PRSS33: variants seen among roughly 807,000 people sequenced by gnomAD.
PRSS33 encodes the protein serine protease 33, also known as protease, serine 33.
Under a neutral mutation model 26.7 loss-of-function variants are expected in PRSS33, and 32 were observed. That is an observed-to-expected ratio of 1.20 (90% CI 0.90 to 1.61). The LOEUF (loss-of-function observed/expected upper bound fraction) is 1.61, where lower values mean the gene tolerates loss of function less well. Ranked by LOEUF, PRSS33 falls within the 40% of genes most tolerant of loss-of-function variation. The pLI is 0.00. For synonymous variants in PRSS33, 192 were observed against 177.6 expected (o/e 1.08, Z -0.64); for missense variants, 450 against 396.3 (o/e 1.14, Z -1.15).
intron 1 of PRSS33, 73 bp from the exon 2 acceptor site, chr16:2,786,677 C>G: frequency 1.0e-6 from 1 of 984,006 alleles, no homozygotes; most frequent in Non-Finnish European, 1.5e-6. Context: ...CCGTCACCCC[C>G]TCCGTGGTCC....
intron 2 of PRSS33, 24 bp downstream of exon 2, chr16:2,786,478 C>T (rs1272302578): frequency 1.2e-6 from 2 of 1,612,874 alleles, no homozygotes; most frequent in Non-Finnish European, 1.7e-6. Flanking sequence ...GCGGCCCTCA[C>T]CCCCAGTCCC....
Position 2,785,399 on chromosome 16 carries a change from C to T in PRSS33, c.490G>A (p.Gly164Ser). 4 of 1,432,600 alleles carry T rather than the reference C, an allele frequency of 2.8e-6. No individual in the cohort carries two copies. The highest frequency in any genetic ancestry group is 2.5e-4 in the Middle Eastern group (1 of 4,036). The allele number at this position is 1,432,600 out of a possible 1,614,324, so 88.7% of individuals were successfully genotyped here. ...PPPGTPCRVTGWGSLRPGVPL... is the reference protein window; with the variant it reads ...PPPGTPCRVTSWGSLRPGVPL... ...CCTCCTGGGCGGAGGCTGCCCCAGC[C>T]GGTGACCCGGCATGGTGTGCCGGGC... The change falls in exon 5 of 7, where the codon GGC (glycine) becomes AGC (serine). Residue 164 changes from glycine to serine, a missense_variant. Transcript: ENST00000682474.
upstream of PRSS33, among the ~76,000 whole-genome samples, chr16:2,787,668 C>T (rs1280390682): frequency 6.6e-6 from 1 of 151,590 alleles, no homozygotes; most frequent in Non-Finnish European, 1.5e-5. Context: ...GGACCAGCCT[C>T]AAACAAAGAT....
chr16:2,785,428 G>A lies in PRSS33; in HGVS notation c.461C>T (p.Pro154Leu). Reference sequence around the variant, plus strand: ...GACCCGGCATGGTGTGCCGGGCGGCGGGCGGGCGCCGGGCACGGGCAGGCA... The same window carrying A: ...GACCCGGCATGGTGTGCCGGGCGGCAGGCGGGCGCCGGGCACGGGCAGGCA... ...PVCLPVPGAR[P>L]PPGTPCRVTG... is the part of the protein sequence containing the mutation. The change falls in exon 5 of 7, where the codon CCG becomes CTG. Residue 154 changes from proline (P) to leucine (L), a missense_variant. By Grantham distance (98) the Pro-to-Leu change is moderately conservative. Transcript: ENST00000682474. 1.4e-6 allele frequency: 2 copies of A among 1,462,262 alleles called. No individual in the cohort carries two copies. Among genetic ancestry groups the A allele is most frequent in the Non-Finnish European group, 1.8e-6 (2 of 1,118,652 alleles). The allele number at this position is 1,462,262 out of a possible 1,614,324, so 90.6% of individuals were successfully genotyped here.
chr16:2,785,492 G>A lies in PRSS33; in HGVS notation c.397C>T (p.Arg133Cys), dbSNP rs1300397373. Residue 133 changes from arginine to cysteine, a missense_variant, in exon 5 of 7, where the codon CGT (arginine) becomes TGT (cysteine). By Grantham distance (180) the Arg-to-Cys change is radical. Coordinates refer to ENST00000682474, the MANE Select transcript of PRSS33 (RefSeq NM_152891.3). ...ARGDLALLQL[R>C]RPVPLSARVQ... ...CGAGCGCTCAGGGGCACCGGGCGAC[G>A]CAGCTGCAGCAGTGCCAGGTCGCCG... 8 of 1,517,960 alleles carry A rather than the reference G, an allele frequency of 5.3e-6. No homozygotes were observed. The highest frequency in any genetic ancestry group is 2.3e-4 in the Middle Eastern group (1 of 4,310). The allele number at this position is 1,517,960 out of a possible 1,614,324, so 94.0% of individuals were successfully genotyped here. A position where few individuals can be genotyped will look rare whatever the true frequency, so the allele number is the denominator to read the frequency against.
rs2068864580 is a variant in PRSS33, at chr16:2,785,610, C to T, written c.279G>A (p.Gly93=). ...GCGAGGTGGAGCCCAGACGCAGCGCCCCCAGGCGCACGCGGTACTCAGCTG... is the reference window on the plus strand; with the variant it reads ...GCGAGGTGGAGCCCAGACGCAGCGCTCCCAGGCGCACGCGGTACTCAGCTG... The part of the protein sequence containing the change: ...ALPAEYRVRL[G]ALRLGSTSPR... The change falls in exon 5 of 7, where the codon GGG becomes GGA. Residue 93 remains glycine (G), a synonymous_variant. Transcript: ENST00000682474. 1 of 1,508,968 alleles carries T rather than the reference C, an allele frequency of 6.6e-7. No homozygotes were observed. The highest frequency in any genetic ancestry group is 8.8e-7 in the Non-Finnish European group (1 of 1,136,588). The allele number at this position is 1,508,968 out of a possible 1,614,324, so 93.5% of individuals were successfully genotyped here.
chr16:2,785,600 G>C lies in PRSS33; in HGVS notation c.289C>G (p.Leu97Val). The change falls in exon 5 of 7, where the codon CTG (leucine) becomes GTG (valine). Residue 97 changes from leucine to valine, a missense_variant. Physicochemically the swap from Leu to Val is conservative, Grantham distance 32. Transcript: ENST00000682474. ...EYRVRLGALR[L>V]GSTSPRTLSV... ...AGCGTGCGGGGCGAGGTGGAGCCCA[G>C]ACGCAGCGCCCCCAGGCGCACGCGG... 6.6e-7 allele frequency: 1 copy of C among 1,515,586 alleles called. No homozygotes were observed. The highest frequency in any genetic ancestry group is 8.8e-7 in the Non-Finnish European group (1 of 1,139,140). 93.9% of individuals were successfully genotyped at this position (1,515,586 alleles called of 1,614,324 possible).
At position 2,785,802 on chromosome 16, in the gene PRSS33, G is replaced by A. The variant is rs777603139; in HGVS notation, c.239C>T (p.Pro80Leu). 1 of 1,596,344 alleles carries A rather than the reference G, an allele frequency of 6.3e-7. No individual in the cohort carries two copies. Among genetic ancestry groups the A allele is most frequent in the Non-Finnish European group, 8.5e-7 (1 of 1,176,230 alleles). ...TGGGCCCTCGGTGAGCGCTGACCTG[G>A]GGAAGCAGTGCGCCGCTGTCAGCAC... ...QWVLTAAHCF[P>L]RRALPAEYRV... The change falls in exon 4 of 7, where the codon CCC becomes CTC. Residue 80 changes from proline to leucine, a missense_variant. By Grantham distance (98) the Pro-to-Leu change is moderately conservative (BLOSUM62 -3). Transcript: ENST00000682474.
In PRSS33 at chr16:2,784,630, C is replaced by T. The variant is rs760155469; in HGVS notation, c.*14G>A. 1.9e-6 allele frequency: 3 copies of T among 1,571,434 alleles called. No individual in the cohort carries two copies. Among genetic ancestry groups the T allele is most frequent in the South Asian group, 1.2e-5 (1 of 85,858 alleles). The stretch of plus-strand genomic sequence containing the variant: ...CCCCAGCAGCTGGCTCCAGGTCAGC[C>T]TCACCGGCTAGCATTAGAAGCTGAC... On this transcript the variant is annotated 3_prime_UTR_variant, in exon 7 of 7. Transcript: ENST00000682474.
At position 2,785,419 on chromosome 16, in the gene PRSS33, C is replaced by CCGGGCGG; in HGVS notation, c.463_469dup (p.Gly157AlafsTer53). Reference sequence around the variant, plus strand: ...CCAGCCGGTGACCCGGCATGGTGTGCCGGGCGGCGGGCGGGCGCCGGGCAC... The same window carrying CCGGGCGG: ...CCAGCCGGTGACCCGGCATGGTGTGCCGGGCGGCGGGCGGCGGGCGGGCGCCGGGCAC... On this transcript the variant is annotated frameshift_variant, in exon 5 of 7. Transcript: ENST00000682474. LOFTEE classifies it high-confidence loss of function. 6 of 1,452,008 alleles carry CCGGGCGG rather than the reference C, an allele frequency of 4.1e-6. No individual in the cohort carries two copies. Among genetic ancestry groups the CCGGGCGG allele is most frequent in the Non-Finnish European group, 5.4e-6 (6 of 1,113,980 alleles). The allele number at this position is 1,452,008 out of a possible 1,614,324, so 89.9% of individuals were successfully genotyped here.
At position 2,785,375 on chromosome 16, in the gene PRSS33, C is replaced by A; in HGVS notation, c.514G>T (p.Val172Leu). The A allele has an allele frequency of 2.1e-6, 3 of 1,437,296 alleles. No individual in the cohort carries two copies. The highest frequency in any genetic ancestry group is 2.7e-6 in the Non-Finnish European group (3 of 1,105,666). 89.0% of individuals were successfully genotyped at this position (1,437,296 alleles called of 1,614,324 possible). A position where few individuals can be genotyped will look rare whatever the true frequency, so the allele number is the denominator to read the frequency against. Residue 172 changes from valine to leucine, a missense_variant and splice_region_variant, in exon 5 of 7, where the codon GTG (valine) becomes TTG (leucine). By Grantham distance (32) the Val-to-Leu change is conservative. Transcript: ENST00000682474. ...TCGGAGCCCCGCCCTCCTGCCTTAC[C>A]TCCTGGGCGGAGGCTGCCCCAGCCG... ...VTGWGSLRPG[V>L]PLPEWRPLQG...
intron 6 of PRSS33, 42 bp downstream of exon 6, chr16:2,784,960 A>G (rs538480085): frequency 1.9e-6 from 3 of 1,584,114 alleles, no homozygotes; most frequent in Non-Finnish European, 2.6e-6. Context: ...GGTGCTGGGC[A>G]CAGGGAGGGG....
intron 6 of PRSS33, 48 bp downstream of exon 6, chr16:2,784,954 C>G (rs1222882828): frequency 6.3e-7 from 1 of 1,577,166 alleles, no homozygotes; most frequent in East Asian, 2.3e-5. Flanking sequence ...AGGGAGGGTG[C>G]TGGGCACAGG....
At position 2,784,349 on chromosome 16, in the gene PRSS33, C is replaced by T. The variant is rs936969920; in HGVS notation, c.*295G>A. 3 of 292,216 alleles carry T rather than the reference C, an allele frequency of 1.0e-5. No homozygotes were observed. Among genetic ancestry groups the T allele is most frequent in the Admixed American group, 4.7e-5 (1 of 21,238 alleles). The allele number at this position is 292,216 out of a possible 1,614,324, so 18.1% of individuals were successfully genotyped here. A position where few individuals can be genotyped will look rare whatever the true frequency, so the allele number is the denominator to read the frequency against. ...GGTTTGCCCATCACTGCGTGCCTTG[C>T]GCCCAGCCCTGGCCAGGGCCAAGAA... On this transcript the variant is annotated 3_prime_UTR_variant, in exon 7 of 7. Coordinates refer to ENST00000682474, the MANE Select transcript of PRSS33 (RefSeq NM_152891.3).
At position 2,786,488 on chromosome 16, in the gene PRSS33, C is replaced by G. The variant is rs370687323; in HGVS notation, c.46+14G>C. On this transcript the variant is annotated intron_variant, in intron 2 of 6. Transcript: ENST00000682474. ...TGTCTGCGGCCCTCACCCCCAGTCC[C>G]TGTCCCCACTCACCCAGCACCAGAA... 2.5e-6 allele frequency: 4 copies of G among 1,613,326 alleles called. No individual in the cohort carries two copies. The African/African-American group carries it at 4.0e-5, about 16-fold the overall frequency.
chr16:2,785,276 G>GCT, intron 5 of PRSS33, 99 bp downstream of exon 5: 1 of 1,451,808 alleles, frequency 6.9e-7, no homozygotes, highest in Non-Finnish European at 9.2e-7. Context: ...AAGCCGCGCT[G>GCT]GGTCCTGGAT....
At chr16:2,786,255 GTTATC>G in intron 2 of PRSS33, 134 bp from the exon 3 acceptor site, 1 of 956,760 alleles carries the variant, frequency 1.0e-6, no homozygotes. Context: ...CGTGCCGTCT[GTTATC>G]TTATTTAACC....
chr16:2,784,866 C>T (rs1388002722), intron 6 of PRSS33, 64 bp from the exon 7 acceptor site: 2 of 1,538,236 alleles, frequency 1.3e-6, no homozygotes, highest in Non-Finnish European at 1.8e-6. Flanking sequence ...GGGTTCCAGA[C>T]CCCTGGCGTG....
intron 1 of PRSS33, 43 bp from the exon 2 acceptor site, chr16:2,786,647 G>T (rs1045231151): frequency 5.1e-6 from 7 of 1,365,554 alleles, no homozygotes; most frequent in Non-Finnish European, 6.1e-6. Flanking sequence ...TGGCCCAGGG[G>T]CACCAATCCT....
Sources: allele counts gnomAD v4.1 joint callset (sites outside exome capture counted in the v4.1 genomes callset), GRCh38; gene constraint gnomAD v4.1.1; transcripts MANE v1.5; gene names NCBI Gene and HGNC (gene_info 2026-07-23, HGNC 2026-07-21).